The following BCAS3 variants were observed in gnomAD, a reference collection of about 807,000 sequenced individuals.
The protein encoded by BCAS3 is BCAS4/BCAS3 fusion.
BCAS3 carries 53 observed loss-of-function variants against 116.1 expected under a neutral mutation model. The observed-to-expected ratio is 0.46, with a 90% CI of 0.37 to 0.57. BCAS3 has a LOEUF of 0.57. Among genes scored for constraint, BCAS3 ranks in the 20% least tolerant of loss-of-function variants. BCAS3 has a pLI of 0.00. For missense variants in BCAS3, 917 were observed against 1,165.4 expected, an observed-to-expected ratio of 0.79 and a Z score of 3.10; for synonymous variants, 391 against 408.2, an observed-to-expected ratio of 0.96 and a Z score of 0.51.
At chr17:61,050,898 A>C (rs1412560564) in intron 19 of BCAS3, among the ~76,000 whole-genome samples, 1 of 152,002 alleles carries the variant, frequency 6.6e-6, no homozygotes, top group Non-Finnish European at 1.5e-5. Flanking sequence ...AATCCCAGTA[A>C]ATTTAAAAGG....
In BCAS3 at chr17:61,148,013, AT is replaced by A. The variant is rs1395726529; in HGVS notation, c.2425+63450del. Among the ~76,000 whole-genome samples the A allele has an allele frequency of 2.0e-5, 3 of 152,076 alleles. No individual in the cohort carries two copies. The East Asian group carries it at 5.8e-4, about 29-fold the overall frequency. ...GAAAAAAAAAGAAAGAAAGAAATGT[AT>A]AAGTTGGTTGGGAATGCAGCTACCA... On this transcript the variant is annotated intron_variant, in intron 22 of 23. Coordinates refer to ENST00000407086, the MANE Select transcript of BCAS3 (RefSeq NM_017679.5).
At chr17:60,997,191 G>A (rs1002737166) in intron 15 of BCAS3, among the ~76,000 whole-genome samples, 1 of 152,196 alleles carries the variant, frequency 6.6e-6, no homozygotes, top group Non-Finnish European at 1.5e-5. Context: ...GTGAGCTCAG[G>A]TGGTAATGCC....
chr17:61,109,361 T>G (rs2074906775), intron 22 of BCAS3, among the ~76,000 whole-genome samples: 1 of 151,906 alleles, frequency 6.6e-6, no homozygotes, highest in Non-Finnish European at 1.5e-5. Flanking sequence ...TAATGGGAAT[T>G]TGGTTTGGTT....
intron 6 of BCAS3, among the ~76,000 whole-genome samples, chr17:60,770,038 G>T (rs993163003): frequency 6.6e-6 from 1 of 152,112 alleles, no homozygotes; most frequent in Non-Finnish European, 1.5e-5. Context: ...CTCCCAAAGT[G>T]CTGGGATTAT....
chr17:61,209,248 G>A (rs1042949495), intron 22 of BCAS3, among the ~76,000 whole-genome samples: 2 of 151,870 alleles, frequency 1.3e-5, no homozygotes, highest in Admixed American at 1.3e-4. Flanking sequence ...GGACTGTGGA[G>A]TAGGAATGAC....
chr17:60,713,859 A>G (rs2038224654), intron 5 of BCAS3, among the ~76,000 whole-genome samples: 1 of 152,112 alleles, frequency 6.6e-6, no homozygotes. Flanking sequence ...TTTGAGACTG[A>G]GTCTCACGCT....
At chr17:61,002,206 A>T (rs953273315) in intron 15 of BCAS3, among the ~76,000 whole-genome samples, 3 of 152,004 alleles carry the variant, frequency 2.0e-5, no homozygotes, top group Non-Finnish European at 2.9e-5. Context: ...ACCTAAATAA[A>T]CTCTATGTAG....
chr17:61,122,276 A>G lies in BCAS3; in HGVS notation c.2425+37712A>G, dbSNP rs1283657831. On this transcript the variant is annotated intron_variant, in intron 22 of 23. Coordinates refer to ENST00000407086, the MANE Select transcript of BCAS3 (RefSeq NM_017679.5). The surrounding 1 kb of genome is among the most constrained non-coding windows in gnomAD (Gnocchi z 4.6). ...GTAAAAATTTACTAGAGTCTCTGAT[A>G]TGACTTGAGGATTAGAAGTAGAATA... Among the ~76,000 whole-genome samples, 2 of 152,242 alleles carry G rather than the reference A, an allele frequency of 1.3e-5. No individual in the cohort carries two copies. The highest frequency in any genetic ancestry group is 6.5e-5 in the Admixed American group (1 of 15,292).
chr17:60,942,320 G>A lies in BCAS3; in HGVS notation c.1088-4899G>A, dbSNP rs555014635. Among the ~76,000 whole-genome samples, 14 of 152,178 alleles carry A rather than the reference G, an allele frequency of 9.2e-5. No individual in the cohort carries two copies. In the South Asian group the frequency reaches 1.7e-3, roughly 18 times the overall value. The stretch of plus-strand genomic sequence containing the variant: ...CGGGCGCCTGTGGTCCCAGCTACTC[G>A]GGAGGCTGTGGCAGGAGAATTGCTT... On this transcript the variant is annotated intron_variant, in intron 13 of 23. Transcript: ENST00000407086.
Position 60,947,345 on chromosome 17 carries a change from A to C in BCAS3, c.1214A>C (p.Glu405Ala). 2 of 1,612,560 alleles carry C rather than the reference A, an allele frequency of 1.2e-6. No homozygotes were observed. Among genetic ancestry groups the C allele is most frequent in the Non-Finnish European group, 1.7e-6 (2 of 1,179,298 alleles). ...TATACTCTTCACAGGGGAGAAACTG[A>C]AGCCAAAGTAAGCTGTATAATTTTT... is the stretch of plus-strand genomic sequence containing the variant. ...HLYTLHRGET[E>A]AKVQDICFSH... The change falls in exon 14 of 24, where the codon GAA becomes GCA. Residue 405 changes from glutamate to alanine, a missense_variant. This residue lies in a region of BCAS3 where 807 missense variants were observed against 1,026.0 expected (regional missense o/e 0.79). Coordinates refer to ENST00000407086, the MANE Select transcript of BCAS3 (RefSeq NM_017679.5).
At chr17:61,133,660 A>G (rs1243771236) in intron 22 of BCAS3, among the ~76,000 whole-genome samples, 3 of 152,000 alleles carry the variant, frequency 2.0e-5, no homozygotes, top group Non-Finnish European at 4.4e-5. Context: ...GCATACTGTT[A>G]TTTATTTTTC....
chr17:60,889,635 G>A, intron 9 of BCAS3, 60 bp from the exon 10 acceptor site: 1 of 1,377,276 alleles, frequency 7.3e-7, no homozygotes, highest in Non-Finnish European at 1.0e-6. Context: ...ATCGATATAT[G>A]ATGCACCAAC....
chr17:60,906,823 C>T (rs2145083005), intron 11 of BCAS3, among the ~76,000 whole-genome samples: 1 of 152,134 alleles, frequency 6.6e-6, no homozygotes, highest in South Asian at 2.1e-4. Flanking sequence ...TGAGATACAA[C>T]ATGGAGAGCA....
rs780271370 is a variant in BCAS3 at position 61,278,060 on chromosome 17, G to A, written c.2426-90267G>A. ...TTTGTTTTGTTTTGTTTTGTTTGAC[G>A]GAGTCACACTGTGTAGCCCAGGCTG... On this transcript the variant is annotated intron_variant, in intron 22 of 23. Coordinates refer to ENST00000407086, the MANE Select transcript of BCAS3 (RefSeq NM_017679.5). This position sits in a 1 kb window ranked among gnomAD's most constrained non-coding sequence, Gnocchi z 5.8. Among the ~76,000 whole-genome samples the A allele has an allele frequency of 2.0e-5, 3 of 151,988 alleles. No individual in the cohort carries two copies. The highest frequency in any genetic ancestry group is 4.4e-5 in the Non-Finnish European group (3 of 68,040).
chr17:60,778,645 G>T (rs2045519686), intron 6 of BCAS3, among the ~76,000 whole-genome samples: 2 of 152,134 alleles, frequency 1.3e-5, no homozygotes, highest in South Asian at 4.1e-4. Context: ...TACTCAGCAA[G>T]ACTTATTTTC....
At chr17:61,006,509 ACTCT>A in intron 15 of BCAS3, among the ~76,000 whole-genome samples, 1 of 152,058 alleles carries the variant, frequency 6.6e-6, no homozygotes, top group Non-Finnish European at 1.5e-5. Flanking sequence ...ATTTCTATTT[ACTCT>A]GTTGATATAC....
chr17:60,963,081 G>A (rs1027057621), intron 14 of BCAS3, among the ~76,000 whole-genome samples: 1 of 152,074 alleles, frequency 6.6e-6, no homozygotes, highest in East Asian at 1.9e-4. Flanking sequence ...TCTCTAGTAC[G>A]TTCCGTTGGT....
intron 7 of BCAS3, among the ~76,000 whole-genome samples, chr17:60,811,979 G>A (rs1346358911): frequency 6.6e-6 from 1 of 152,076 alleles, no homozygotes; most frequent in Non-Finnish European, 1.5e-5. Flanking sequence ...CTTGAGCCTG[G>A]GAGGCAGAGG....
At position 61,026,633 on chromosome 17, in the gene BCAS3, G is replaced by A. The variant is rs2066267109; in HGVS notation, c.1638-8033G>A. 6.6e-6 allele frequency among the ~76,000 whole-genome samples: 1 copy of A among 151,874 alleles called. No homozygotes were observed. The highest frequency in any genetic ancestry group is 1.5e-5 in the Non-Finnish European group (1 of 67,908). ...ATACTACAGGGGTGCTCCAGAAAAG[G>A]GGGAGAAATAGAAAATTTTGAATCT... On this transcript the variant is annotated intron_variant, in intron 16 of 23. Transcript: ENST00000407086. This position sits in a 1 kb window ranked among gnomAD's most constrained non-coding sequence, Gnocchi z 5.0.
Sources: gnomAD v4.1 joint callset for allele counts (sites outside exome capture counted in the v4.1 genomes callset) on GRCh38, gnomAD v4.1.1 for gene constraint, gnomAD v4.1.1 regional missense constraint, Gnocchi (gnomAD v3.1) non-coding constraint, MANE v1.5 for transcripts, NCBI Gene and HGNC (gene_info 2026-07-23, HGNC 2026-07-21) for gene names.